IGF2BP3: variants seen among roughly 807,000 people sequenced by gnomAD.
IGF2BP3 encodes insulin like growth factor 2 mRNA binding protein 3.
A neutral mutation model predicts 73.8 loss-of-function variants in IGF2BP3; 9 were observed. The ratio of observed to expected loss-of-function variants is 0.12; its 90% CI spans 0.07 to 0.21. IGF2BP3 has a LOEUF of 0.21. IGF2BP3 is among the 10% of genes least tolerant of loss of function. IGF2BP3 has a pLI of 1.00. For missense variants in IGF2BP3, 542 were observed against 714.0 expected (o/e 0.76, Z 2.75); for synonymous variants, 258 against 256.7 (o/e 1.01, Z -0.05).
intron 2 of IGF2BP3, among the ~76,000 whole-genome samples, chr7:23,465,336 T>G (rs948087552): frequency 3.3e-5 from 5 of 152,364 alleles, no homozygotes; most frequent in African/African-American, 1.2e-4. Context: ...AGATATCCAA[T>G]GCAATCTTCT....
chr7:23,377,920 A>G (rs1347244748), intron 3 of IGF2BP3, among the ~76,000 whole-genome samples: 1 of 152,178 alleles, frequency 6.6e-6, no homozygotes, highest in Non-Finnish European at 1.5e-5. Flanking sequence ...CAGAAAGTAG[A>G]TTAGTGGTTT....
chr7:23,343,573 T>A (rs1014926726), intron 9 of IGF2BP3, 145 bp downstream of exon 9: 1 of 723,850 alleles, frequency 1.4e-6, no homozygotes, highest in Non-Finnish European at 2.3e-6. Context: ...TTCCCTACTA[T>A]CCCAGGGTAC....
At chr7:23,337,216 T>C (rs763953595) in intron 10 of IGF2BP3, among the ~76,000 whole-genome samples, 2 of 152,276 alleles carry the variant, frequency 1.3e-5, no homozygotes, top group Non-Finnish European at 2.9e-5. Context: ...TGTTAAAGAA[T>C]TGTTCCCCTG....
At chr7:23,437,238 T>C (rs1315599467) in intron 2 of IGF2BP3, among the ~76,000 whole-genome samples, 2 of 152,076 alleles carry the variant, frequency 1.3e-5, no homozygotes, top group Admixed American at 1.3e-4. Flanking sequence ...TCTCAGCACT[T>C]TGGGAGGCTG....
chr7:23,361,110 C>G (rs963746616), intron 5 of IGF2BP3, among the ~76,000 whole-genome samples: 2 of 152,132 alleles, frequency 1.3e-5, no homozygotes, highest in Non-Finnish European at 2.9e-5. Flanking sequence ...AATCAGGTAA[C>G]CAGTGAGTAA....
intron 5 of IGF2BP3, among the ~76,000 whole-genome samples, chr7:23,360,201 G>C (rs993817155): frequency 6.6e-6 from 1 of 152,108 alleles, no homozygotes; most frequent in East Asian, 1.9e-4. Flanking sequence ...CTACTTCTGG[G>C]AATTTATCAT....
At chr7:23,337,588 C>T (rs979200738) in intron 10 of IGF2BP3, among the ~76,000 whole-genome samples, 1 of 152,230 alleles carries the variant, frequency 6.6e-6, no homozygotes, top group African/African-American at 2.4e-5. Flanking sequence ...CCCAGCTTCT[C>T]TTGCAGCTAG....
At chr7:23,402,668 A>T (rs1452071410) in intron 3 of IGF2BP3, 2 of 152,238 alleles carry the variant, frequency 1.3e-5, no homozygotes, top group African/African-American at 4.8e-5. Flanking sequence ...AGCATTTACA[A>T]ATTTTTATAG....
At chr7:23,353,793 C>T (rs1435208075) in intron 5 of IGF2BP3, among the ~76,000 whole-genome samples, 1 of 152,166 alleles carries the variant, frequency 6.6e-6, no homozygotes, top group African/African-American at 2.4e-5. Flanking sequence ...GCCTTGATGA[C>T]AGAACGTTAA....
chr7:23,412,840 GC>G (rs1289198888), intron 3 of IGF2BP3, among the ~76,000 whole-genome samples: 12 of 113,048 alleles, frequency 1.1e-4, no homozygotes, highest in East Asian at 3.1e-4. Context: ...TAAGACTCTG[GC>G]CTTTTTTTTT....
rs1453581250 is a variant in IGF2BP3 at position 23,469,821 on chromosome 7, C to T, written c.175+115G>A. 5 of 575,564 alleles carry T rather than the reference C, an allele frequency of 8.7e-6. No homozygotes were observed. The highest frequency in any genetic ancestry group is 7.8e-5 in the East Asian group (2 of 25,788). The allele number at this position is 575,564 out of a possible 1,614,324, so 35.7% of individuals were successfully genotyped here. On this transcript the variant is annotated intron_variant, in intron 1 of 14. Transcript: ENST00000258729. The surrounding 1 kb of genome is among the most constrained non-coding windows in gnomAD (Gnocchi z 6.1). ...CGCGCGTGGGTGTGGGCGCTCAGGC[C>T]TCACCCCCGCTCCCCCAGCGCGCCG...
intron 10 of IGF2BP3, among the ~76,000 whole-genome samples, chr7:23,332,650 C>T (rs1368094793): frequency 1.3e-5 from 2 of 152,210 alleles, no homozygotes; most frequent in African/African-American, 2.4e-5. Context: ...GTCAGAAGAA[C>T]AGCATCTCTC....
chr7:23,336,745 C>T (rs745335515), intron 10 of IGF2BP3, among the ~76,000 whole-genome samples: 16 of 152,052 alleles, frequency 1.1e-4, no homozygotes, highest in Non-Finnish European at 1.6e-4. Flanking sequence ...GTCAGGAATT[C>T]GAGACCAGCC....
intron 2 of IGF2BP3, among the ~76,000 whole-genome samples, chr7:23,460,188 AAAAAAAAAC>A (rs1788413902): frequency 6.7e-6 from 1 of 149,828 alleles, no homozygotes; most frequent in African/African-American, 2.5e-5. Context: ...CAAAAAAAAA[AAAAAAAAAC>A]AAAAACGAAA....
At chr7:23,362,719 C>G (rs1421630615) in intron 3 of IGF2BP3, 1 of 152,130 alleles carries the variant, frequency 6.6e-6, no homozygotes, top group Non-Finnish European at 1.5e-5. Context: ...TAGCAAATTA[C>G]TTACTCATCA....
chr7:23,437,485 AAAATAAATAAATAAATAAAT>A (rs71770418), intron 2 of IGF2BP3, among the ~76,000 whole-genome samples: 15 of 148,666 alleles, frequency 1.0e-4, no homozygotes, highest in South Asian at 6.4e-4. Context: ...CTTCATTTCA[AAAATAAATAAATAAATAAAT>A]AAATAAATAA....
intron 10 of IGF2BP3, among the ~76,000 whole-genome samples, chr7:23,321,658 G>A (rs1406008030): frequency 2.6e-5 from 4 of 152,230 alleles, no homozygotes; most frequent in African/African-American, 9.6e-5. Flanking sequence ...AACCTCTGCA[G>A]ACTTAAATGT....
At chr7:23,461,500 T>G (rs888600190) in intron 2 of IGF2BP3, among the ~76,000 whole-genome samples, 2 of 152,172 alleles carry the variant, frequency 1.3e-5, no homozygotes, top group South Asian at 2.1e-4. Flanking sequence ...TCTCCCAATA[T>G]TCTCCATTTT....
At chr7:23,439,570 A>C (rs1355345495) in intron 2 of IGF2BP3, among the ~76,000 whole-genome samples, 3 of 151,570 alleles carry the variant, frequency 2.0e-5, no homozygotes, top group Non-Finnish European at 4.4e-5. Flanking sequence ...AAAAAAAAAA[A>C]AAAAAAAGAC....
Sources: gnomAD v4.1 joint callset for allele counts (sites outside exome capture counted in the v4.1 genomes callset) on GRCh38, gnomAD v4.1.1 for gene constraint, Gnocchi (gnomAD v3.1) non-coding constraint, MANE v1.5 for transcripts, NCBI Gene and HGNC (gene_info 2026-07-23, HGNC 2026-07-21) for gene names.